The following GLYATL2 variants were observed in gnomAD, a reference collection of about 807,000 sequenced individuals.
The protein encoded by GLYATL2 is glycine-N-acyltransferase like 2.
GLYATL2 carries 25 observed loss-of-function variants against 21.4 expected under a neutral mutation model. That is an observed-to-expected ratio of 1.17 (90% CI 0.85 to 1.63). The LOEUF (loss-of-function observed/expected upper bound fraction) is 1.63. Among genes scored for constraint, GLYATL2 ranks in the 40% most tolerant of loss-of-function variants. GLYATL2 has a pLI of 0.00. For missense variants in GLYATL2, 361 were observed against 343.3 expected, an observed-to-expected ratio of 1.05 and a Z score of -0.41; for synonymous variants, 114 against 118.2, an observed-to-expected ratio of 0.96 and a Z score of 0.23.
intron 1 of GLYATL2, among the ~76,000 whole-genome samples, chr11:58,861,940 C>T (rs1233220420): frequency 1.3e-5 from 2 of 151,916 alleles, no homozygotes; most frequent in South Asian, 2.1e-4. Context: ...GCTTTGTGTC[C>T]TAACATTTGT....
chr11:58,862,056 C>CA (rs773819056), intron 1 of GLYATL2, among the ~76,000 whole-genome samples: 17 of 149,960 alleles, frequency 1.1e-4, no homozygotes, highest in Non-Finnish European at 2.4e-4. Context: ...AACAAACAAA[C>CA]AAACAAAAAA....
chr11:58,845,660 T>C (rs1380897832), upstream of GLYATL2, among the ~76,000 whole-genome samples: 2 of 152,174 alleles, frequency 1.3e-5, no homozygotes, highest in Non-Finnish European at 2.9e-5. Context: ...ATTGTAATCA[T>C]TTATAGCATG....
intron 1 of GLYATL2, among the ~76,000 whole-genome samples, chr11:58,850,814 GTCAGGCCCACCC>G: frequency 6.6e-6 from 1 of 152,158 alleles, no homozygotes; most frequent in South Asian, 2.1e-4. Flanking sequence ...CCTGACATCA[GTCAGGCCCACCC>G]ACAGTTATCT....
chr11:58,837,021 T>C lies in GLYATL2; in HGVS notation c.470A>G (p.Asp157Gly). Reference protein sequence around the residue: ...DKMELFEVDDDNKEGNFSNMF... With the variant: ...DKMELFEVDDGNKEGNFSNMF... Reference sequence around the variant, plus strand: ...GCAAAAGGTAAAATCTCACTTGTTATCATCATCCACTTCAAATAACTCCAT... The same window carrying C: ...GCAAAAGGTAAAATCTCACTTGTTACCATCATCCACTTCAAATAACTCCAT... Residue 157 changes from aspartate (D) to glycine (G), a missense_variant, in exon 5 of 6, where the codon GAT (aspartate) becomes GGT (glycine). Coordinates refer to ENST00000287275, the MANE Select transcript of GLYATL2 (RefSeq NM_145016.4). 2 of 1,612,130 alleles carry C rather than the reference T, an allele frequency of 1.2e-6. No individual in the cohort carries two copies. Among genetic ancestry groups the C allele is most frequent in the Non-Finnish European group, 1.7e-6 (2 of 1,179,252 alleles).
rs1184916661 is a variant in GLYATL2 at position 58,865,781 on chromosome 11, A to T, written n.61-27413T>A. ...CTGTTTTAGGACATGACTTTAGAGA[A>T]CGCATTAGCAGGGACTAAGCAAATA... is the stretch of plus-strand genomic sequence containing the variant. On this transcript the variant is annotated intron_variant and non_coding_transcript_variant, in intron 1 of 4. Transcript: ENST00000533636. Among the ~76,000 whole-genome samples the T allele has an allele frequency of 6.0e-5, 9 of 149,068 alleles. 1 individual carries two copies. In the Admixed American group the frequency reaches 6.2e-4, roughly 10 times the overall value.
intron 1 of GLYATL2, among the ~76,000 whole-genome samples, chr11:58,871,683 T>C (rs1471721032): frequency 3.3e-5 from 5 of 152,180 alleles, no homozygotes; most frequent in Non-Finnish European, 7.3e-5. Context: ...CAGTCTATCA[T>C]TGATGGACAT....
chr11:58,875,597 T>G (rs1854214560), intron 1 of GLYATL2, among the ~76,000 whole-genome samples: 1 of 152,216 alleles, frequency 6.6e-6, no homozygotes, highest in Admixed American at 6.5e-5. Context: ...TTATTTTCTT[T>G]AAGAATGTTA....
intron 1 of GLYATL2, among the ~76,000 whole-genome samples, chr11:58,896,337 A>T (rs941100596): frequency 6.6e-6 from 1 of 152,290 alleles, no homozygotes. Context: ...CCTCAAGCTC[A>T]TCTATAAAAC....
upstream of GLYATL2, among the ~76,000 whole-genome samples, chr11:58,848,269 C>A (rs1036169694): frequency 3.3e-5 from 5 of 152,044 alleles, no homozygotes; most frequent in African/African-American, 7.2e-5. Flanking sequence ...AGAGCAAACA[C>A]CTAACTCTTC....
intron 1 of GLYATL2, among the ~76,000 whole-genome samples, chr11:58,871,146 A>G (rs763678474): frequency 3.9e-5 from 6 of 152,190 alleles, no homozygotes; most frequent in Admixed American, 6.5e-5. Context: ...AATTTGAGAT[A>G]GCTATTGGAT....
chr11:58,842,476 CTGTGTGTGTGTGTGTGTGTGTG>C (rs34133004), intron 1 of GLYATL2, among the ~76,000 whole-genome samples: 1 of 134,748 alleles, frequency 7.4e-6, no homozygotes, highest in African/African-American at 2.8e-5. Flanking sequence ...GAGTGAGACT[CTGTGTGTGTGTGTGTGTGTGTG>C]TGTGTGTGTG....
chr11:58,838,617 A>G (rs569333019), intron 2 of GLYATL2, among the ~76,000 whole-genome samples: 20 of 152,180 alleles, frequency 1.3e-4, no homozygotes, highest in Non-Finnish European at 2.6e-4. Flanking sequence ...CCTGATATTC[A>G]TTCATTTCTA....
chr11:58,906,268 A>G (rs1453407481), upstream of GLYATL2, among the ~76,000 whole-genome samples: 1 of 152,202 alleles, frequency 6.6e-6, no homozygotes, highest in African/African-American at 2.4e-5. Flanking sequence ...TCAGCTTCAA[A>G]GGCCAAGAGT....
intron 1 of GLYATL2, among the ~76,000 whole-genome samples, chr11:58,872,100 C>T (rs1370190341): frequency 6.6e-6 from 1 of 152,140 alleles, no homozygotes; most frequent in East Asian, 1.9e-4. Flanking sequence ...ATTGTCTGTT[C>T]ATATCCTTCA....
chr11:58,865,890 T>C (rs1482897421), intron 1 of GLYATL2, among the ~76,000 whole-genome samples: 1 of 147,994 alleles, frequency 6.8e-6, no homozygotes, highest in Non-Finnish European at 1.5e-5. Flanking sequence ...ATAAAAGGAG[T>C]CCCCTATTAC....
intron 1 of GLYATL2, among the ~76,000 whole-genome samples, chr11:58,872,698 T>G (rs561563621): frequency 1.3e-5 from 2 of 152,352 alleles, no homozygotes; most frequent in East Asian, 1.9e-4. Flanking sequence ...CCTTGTAGTA[T>G]AGTTTGAAGT....
At chr11:58,850,719 CT>C (rs1427707656) in intron 1 of GLYATL2, among the ~76,000 whole-genome samples, 4 of 152,116 alleles carry the variant, frequency 2.6e-5, no homozygotes, top group Non-Finnish European at 4.4e-5. Flanking sequence ...GGAAAAGCAC[CT>C]GCTACTTAGC....
At chr11:58,909,236 G>T in the GLYATL2 span, among the ~76,000 whole-genome samples, 1 of 152,154 alleles carries the variant, frequency 6.6e-6, no homozygotes, top group African/African-American at 2.4e-5. Flanking sequence ...GTCAGGGGCT[G>T]GGAAGAGAGG....
At chr11:58,881,524 C>T (rs959623270) in intron 1 of GLYATL2, among the ~76,000 whole-genome samples, 2 of 151,984 alleles carry the variant, frequency 1.3e-5, no homozygotes, top group African/African-American at 4.8e-5. Flanking sequence ...CCCTAAGAAA[C>T]TAAAGAAAAT....
Sources: gnomAD v4.1 joint callset for allele counts (sites outside exome capture counted in the v4.1 genomes callset) on GRCh38, gnomAD v4.1.1 for gene constraint, MANE v1.5 for transcripts, NCBI Gene and HGNC (gene_info 2026-07-23, HGNC 2026-07-21) for gene names.